The following MACROD2 variants were observed in gnomAD, a reference collection of about 807,000 sequenced individuals.
The protein encoded by MACROD2 is mono-ADP ribosylhydrolase 2, also known as ADP-ribose glycohydrolase MACROD2.
Under a neutral mutation model 70.4 loss-of-function variants are expected in MACROD2, and 36 were observed. The observed-to-expected ratio is 0.51, with a 90% CI of 0.39 to 0.68. The LOEUF is 0.68. MACROD2 is among the 30% of genes least tolerant of loss of function. MACROD2 has a pLI of 0.00. For synonymous variants in MACROD2, 172 were observed against 178.8 expected (o/e 0.96, Z 0.30); for missense variants, 496 against 538.4 (o/e 0.92, Z 0.78).
chr20:16,025,177 TG>T lies in MACROD2; in HGVS notation c.1154-16022del, dbSNP rs1277872318. On this transcript the variant is annotated intron_variant, in intron 15 of 17. Transcript: ENST00000684519. ...AGGGAAAGTTTCTTGAACTGTCTCC[TG>T]GAACAAGAGGTTAAATGTCAGTAGC... Among the ~76,000 whole-genome samples the T allele has an allele frequency of 2.8e-3, 420 of 152,330 alleles. 5 individuals carry two copies. Among genetic ancestry groups the T allele is most frequent in the Non-Finnish European group, 9.8e-4 (67 of 68,028 alleles).
At chr20:14,608,464 A>G (rs1239839124) in intron 4 of MACROD2, among the ~76,000 whole-genome samples, 1 of 152,186 alleles carries the variant, frequency 6.6e-6, no homozygotes, top group Non-Finnish European at 1.5e-5. Context: ...TGCCAAGTGT[A>G]AAAACTCAGG....
At position 15,741,116 on chromosome 20, in the gene MACROD2, G is replaced by A. The variant is rs541861504; in HGVS notation, c.646-121629G>A. On this transcript the variant is annotated intron_variant, in intron 8 of 17. Coordinates refer to ENST00000684519, the MANE Select transcript of MACROD2 (RefSeq NM_001351661.2). ...TCTTTTTTTTTTTTTTTTTTGAGGT[G>A]GAGTCTCGCTCTGTCACCAGGCTGG... is the stretch of plus-strand genomic sequence containing the variant. Among the ~76,000 whole-genome samples, 428 of 137,924 alleles carry A rather than the reference G, an allele frequency of 3.1e-3. 2 individuals carry two copies. The highest frequency in any genetic ancestry group is 0.012 in the African/African-American group (416 of 35,970). The allele number at this position is 137,924 out of a possible 152,430, so 90.5% of individuals were successfully genotyped here.
chr20:14,799,910 AAGAT>A (rs1210593155), intron 5 of MACROD2, among the ~76,000 whole-genome samples: 7 of 152,104 alleles, frequency 4.6e-5, no homozygotes, highest in Non-Finnish European at 8.8e-5. Context: ...GAGCTGAAGA[AAGAT>A]AACGCTTTTC....
intron 3 of MACROD2, among the ~76,000 whole-genome samples, chr20:14,331,701 G>A (rs1211568603): frequency 6.6e-6 from 1 of 152,088 alleles, no homozygotes; most frequent in Non-Finnish European, 1.5e-5. Flanking sequence ...GTGCTAAACA[G>A]ATTTTTGGGT....
chr20:15,072,904 T>C (rs2075629649), intron 5 of MACROD2, among the ~76,000 whole-genome samples: 1 of 151,966 alleles, frequency 6.6e-6, no homozygotes, highest in African/African-American at 2.4e-5. Flanking sequence ...TAATAAAAGG[T>C]GTTTGGGTCA....
At chr20:15,125,331 A>G (rs573533560) in intron 5 of MACROD2, among the ~76,000 whole-genome samples, 1 of 152,150 alleles carries the variant, frequency 6.6e-6, no homozygotes, top group African/African-American at 2.4e-5. Flanking sequence ...CCTCAAAGTA[A>G]CCCTGAGTGA....
At chr20:14,538,239 A>G (rs1042633841) in intron 4 of MACROD2, among the ~76,000 whole-genome samples, 2 of 152,214 alleles carry the variant, frequency 1.3e-5, no homozygotes, top group African/African-American at 4.8e-5. Context: ...TCTCTCGTAC[A>G]CTGAAACCAA....
chr20:14,876,639 G>T (rs1282271742), intron 5 of MACROD2, among the ~76,000 whole-genome samples: 1 of 152,130 alleles, frequency 6.6e-6, no homozygotes, highest in Non-Finnish European at 1.5e-5. Context: ...GTTACTTTTT[G>T]TATATGATGA....
At chr20:15,684,225 T>A (rs1319070488) in intron 8 of MACROD2, among the ~76,000 whole-genome samples, 3 of 152,234 alleles carry the variant, frequency 2.0e-5, no homozygotes, top group African/African-American at 7.2e-5. Context: ...TTTGTCATCC[T>A]CATTGTGGCC....
At chr20:15,125,073 C>T (rs1168397339) in intron 5 of MACROD2, among the ~76,000 whole-genome samples, 2 of 152,026 alleles carry the variant, frequency 1.3e-5, no homozygotes, top group East Asian at 3.8e-4. Context: ...CCACCTTTCA[C>T]TATTATACCG....
chr20:15,461,910 C>T (rs1251222114), intron 7 of MACROD2, among the ~76,000 whole-genome samples: 1 of 152,086 alleles, frequency 6.6e-6, no homozygotes, highest in Non-Finnish European at 1.5e-5. Context: ...AAGCTGTAGA[C>T]TTCTTTGTGT....
intron 8 of MACROD2, among the ~76,000 whole-genome samples, chr20:15,737,252 C>T (rs1339867689): frequency 2.6e-5 from 4 of 152,156 alleles, no homozygotes; most frequent in African/African-American, 9.7e-5. Flanking sequence ...AAGTGGAAAG[C>T]TCTAAACACT....
chr20:14,094,908 T>C (rs1321698155), intron 3 of MACROD2, among the ~76,000 whole-genome samples: 1 of 152,110 alleles, frequency 6.6e-6, no homozygotes, highest in African/African-American at 2.4e-5. Flanking sequence ...CCCACCGTTT[T>C]TCTCATTTCT....
intron 5 of MACROD2, among the ~76,000 whole-genome samples, chr20:14,727,693 C>T (rs988018117): frequency 4.6e-5 from 7 of 152,118 alleles, no homozygotes; most frequent in Non-Finnish European, 8.8e-5. Context: ...AAATATGTTA[C>T]GTCATTTGAT....
intron 6 of MACROD2, among the ~76,000 whole-genome samples, chr20:15,391,125 T>C (rs2045786871): frequency 6.6e-6 from 1 of 152,078 alleles, no homozygotes; most frequent in Admixed American, 6.6e-5. Flanking sequence ...TGATAACAAG[T>C]AGAAAGGAGC....
intron 8 of MACROD2, among the ~76,000 whole-genome samples, chr20:15,647,416 T>C (rs6105446): frequency 0.089 from 11,200 of 126,430 alleles, 1,405 homozygotes; most frequent in African/African-American, 0.35. Flanking sequence ...GAGGAAGTCA[T>C]AGAGTTAGCA....
intron 3 of MACROD2, among the ~76,000 whole-genome samples, chr20:14,448,071 G>A (rs1163153696): frequency 1.3e-5 from 2 of 151,568 alleles, no homozygotes; most frequent in East Asian, 1.9e-4. Flanking sequence ...CCAAGAGAGT[G>A]TGAAGCCATT....
chr20:14,045,141 C>T (rs1601152845), intron 2 of MACROD2, among the ~76,000 whole-genome samples: 1 of 152,240 alleles, frequency 6.6e-6, no homozygotes, highest in Non-Finnish European at 1.5e-5. Flanking sequence ...CTGCACGTAG[C>T]CCCGGTTCCC....
intron 3 of MACROD2, among the ~76,000 whole-genome samples, chr20:14,489,354 C>T (rs184426686): frequency 1.9e-3 from 293 of 152,266 alleles, no homozygotes; most frequent in Non-Finnish European, 3.0e-3. Flanking sequence ...ATGGTTGCTT[C>T]CTATATAAAG....
Sources: allele counts gnomAD v4.1 joint callset (sites outside exome capture counted in the v4.1 genomes callset), GRCh38; gene constraint gnomAD v4.1.1; transcripts MANE v1.5; gene names NCBI Gene and HGNC (gene_info 2026-07-23, HGNC 2026-07-21).